LIN28B: variants seen among roughly 807,000 people sequenced by gnomAD.
LIN28B encodes the protein protein lin-28 homolog B.
LIN28B carries 5 observed loss-of-function variants against 21.9 expected under a neutral mutation model. The ratio of observed to expected loss-of-function variants is 0.23; its 90% CI spans 0.12 to 0.48. The LOEUF (loss-of-function observed/expected upper bound fraction) is 0.48. Among genes scored for constraint, LIN28B ranks in the 20% least tolerant of loss-of-function variants. The pLI, the probability that LIN28B is intolerant of heterozygous loss-of-function variation, is 0.98. For synonymous variants in LIN28B, 109 were observed against 111.3 expected (o/e 0.98, Z 0.13); for missense variants, 245 against 310.5 (o/e 0.79, Z 1.58).
chr6:105,066,274 A>T (rs193166520), intron 3 of LIN28B, among the ~76,000 whole-genome samples: 6 of 152,356 alleles, frequency 3.9e-5, no homozygotes, highest in African/African-American at 1.4e-4. Context: ...GAGGTGTTTT[A>T]ACATTCTGTC....
chr6:105,066,038 C>T (rs1056827603), intron 3 of LIN28B, among the ~76,000 whole-genome samples: 4 of 152,024 alleles, frequency 2.6e-5, no homozygotes, highest in South Asian at 2.1e-4. Context: ...CAAGGCATGG[C>T]GGCACACACC....
At chr6:105,057,333 T>C (rs1772039994) in intron 3 of LIN28B, among the ~76,000 whole-genome samples, 1 of 152,228 alleles carries the variant, frequency 6.6e-6, no homozygotes, top group African/African-American at 2.4e-5. Context: ...TGAATTAAAA[T>C]ATATGTGGCA....
At chr6:105,075,984 A>G (rs1464047450) in intron 3 of LIN28B, among the ~76,000 whole-genome samples, 4 of 152,216 alleles carry the variant, frequency 2.6e-5, no homozygotes, top group East Asian at 1.9e-4. Context: ...TCACTTATCT[A>G]TTGTAGAGGA....
intron 2 of LIN28B, among the ~76,000 whole-genome samples, chr6:104,944,453 A>C (rs1778133902): frequency 6.6e-6 from 1 of 152,178 alleles, no homozygotes; most frequent in Non-Finnish European, 1.5e-5. Context: ...ATCAAAACCA[A>C]CATCAAAATA....
At chr6:104,982,515 T>G (rs987200061) in intron 2 of LIN28B, among the ~76,000 whole-genome samples, 1 of 152,186 alleles carries the variant, frequency 6.6e-6, no homozygotes, top group Non-Finnish European at 1.5e-5. Context: ...TTCAATCCTT[T>G]TATTTAATAT....
intron 2 of LIN28B, among the ~76,000 whole-genome samples, chr6:105,025,666 C>T (rs1771273060): frequency 6.6e-6 from 1 of 152,162 alleles, no homozygotes; most frequent in Non-Finnish European, 1.5e-5. Context: ...CCTGTTATCT[C>T]AGCTACTCAG....
At chr6:104,937,535 G>A (rs1778024699) in intron 2 of LIN28B, among the ~76,000 whole-genome samples, 1 of 152,146 alleles carries the variant, frequency 6.6e-6, no homozygotes, top group African/African-American at 2.4e-5. Flanking sequence ...AAAGTGCTGG[G>A]ATTACAGGCG....
intron 3 of LIN28B, among the ~76,000 whole-genome samples, chr6:105,046,911 A>AT (rs765162821): frequency 6.6e-6 from 1 of 151,990 alleles, no homozygotes; most frequent in Non-Finnish European, 1.5e-5. Context: ...TAGATTCTGG[A>AT]TATTAGCCCT....
intron 3 of LIN28B, among the ~76,000 whole-genome samples, chr6:105,069,791 T>C (rs1023739276): frequency 6.6e-6 from 1 of 152,102 alleles, no homozygotes; most frequent in Non-Finnish European, 1.5e-5. Flanking sequence ...AGAAACCATA[T>C]CTGAAGTTAA....
intron 3 of LIN28B, among the ~76,000 whole-genome samples, chr6:105,043,341 C>CAAAAAAAAAAAAAAAAAAA (rs57532096): frequency 1.3e-5 from 1 of 75,388 alleles, no homozygotes; most frequent in African/African-American, 7.2e-5. Context: ...GACTCTGTCT[C>CAAAAAAAAAAAAAAAAAAA]AAAAAAAAAA....
intron 3 of LIN28B, among the ~76,000 whole-genome samples, chr6:105,073,398 CT>C (rs564242253): frequency 6.6e-6 from 1 of 151,912 alleles, no homozygotes; most frequent in East Asian, 1.9e-4. Flanking sequence ...TTTATTAATC[CT>C]TTTTTTAGTC....
intron 3 of LIN28B, among the ~76,000 whole-genome samples, chr6:105,049,646 T>C (rs1404998570): frequency 6.6e-6 from 1 of 152,032 alleles, no homozygotes; most frequent in Non-Finnish European, 1.5e-5. Flanking sequence ...TAAGTCTCTT[T>C]GTAGTTCTCT....
rs1225753541 is a variant in LIN28B, at chr6:105,026,446, G to T, written c.347G>T (p.Gly116Val). 6.2e-7 allele frequency: 1 copy of T among 1,601,512 alleles called. No individual in the cohort carries two copies. The highest frequency in any genetic ancestry group is 8.5e-7 in the Non-Finnish European group (1 of 1,175,610). ...TTAGGAAGTGAAAGAAGACCCAAAG[G>T]GAAGACACTACAGAAAAGAAAACCA... ...PCLGSERRPK[G>V]KTLQKRKPKG... Residue 116 changes from glycine (G) to valine (V), a missense_variant, in exon 3 of 4, where the codon GGG (glycine) becomes GTG (valine). Gly to Val is a moderately radical substitution (Grantham distance 109, BLOSUM62 -3). Transcript: ENST00000345080.
At chr6:104,961,228 T>A (rs751739598) in intron 2 of LIN28B, among the ~76,000 whole-genome samples, 37 of 152,212 alleles carry the variant, frequency 2.4e-4, no homozygotes, top group Admixed American at 9.8e-4. Flanking sequence ...ATTATATTTG[T>A]GAATTTTGTC....
chr6:104,996,615 TAAG>T (rs1770611290), intron 2 of LIN28B, among the ~76,000 whole-genome samples: 1 of 152,102 alleles, frequency 6.6e-6, no homozygotes, highest in African/African-American at 2.4e-5. Context: ...GGACAGTAAT[TAAG>T]GAGGTGTAGA....
intron 2 of LIN28B, among the ~76,000 whole-genome samples, chr6:104,949,596 A>G (rs753959268): frequency 6.6e-6 from 1 of 152,208 alleles, no homozygotes; most frequent in Non-Finnish European, 1.5e-5. Flanking sequence ...TAGTAGGTCT[A>G]GTGTGTAAAA....
rs967147739 is a variant in LIN28B, at chr6:105,081,159, G to A, written c.*2376G>A. 3 of 152,488 alleles carry A rather than the reference G, an allele frequency of 2.0e-5. No individual in the cohort carries two copies. The highest frequency in any genetic ancestry group is 7.2e-5 in the African/African-American group (3 of 41,402). 9.4% of individuals were successfully genotyped at this position (152,488 alleles called of 1,614,324 possible). A position where few individuals can be genotyped will look rare whatever the true frequency, so the allele number is the denominator to read the frequency against. On this transcript the variant is annotated 3_prime_UTR_variant, in exon 4 of 4. Coordinates refer to ENST00000345080, the MANE Select transcript of LIN28B (RefSeq NM_001004317.4). Reference sequence around the variant, plus strand: ...AGGGAACATACCATGTAATATTTTTGTTGTTTCTTTACAGACTAGTCTACA... The same window carrying A: ...AGGGAACATACCATGTAATATTTTTATTGTTTCTTTACAGACTAGTCTACA...
At chr6:104,952,559 ATTCT>A (rs1778231910), upstream of LIN28B, among the ~76,000 whole-genome samples, 1 of 152,210 alleles carries the variant, frequency 6.6e-6, no homozygotes, top group Non-Finnish European at 1.5e-5. Flanking sequence ...AAGTTAAAAA[ATTCT>A]TTCTTCAGAA....
intron 3 of LIN28B, among the ~76,000 whole-genome samples, chr6:105,055,047 T>C (rs759391142): frequency 1.9e-4 from 29 of 152,204 alleles, no homozygotes; most frequent in Non-Finnish European, 1.3e-4. Flanking sequence ...TGTTCCATAG[T>C]GTAAAATGTA....
Sources: allele counts gnomAD v4.1 joint callset (sites outside exome capture counted in the v4.1 genomes callset), GRCh38; gene constraint gnomAD v4.1.1; transcripts MANE v1.5; gene names NCBI Gene and HGNC (gene_info 2026-07-23, HGNC 2026-07-21).